Variants in KCNIP1 observed in about 807,000 individuals in gnomAD.
KCNIP1 encodes the protein potassium voltage-gated channel interacting protein 1.
KCNIP1 carries 18 observed loss-of-function variants against 33.0 expected under a neutral mutation model. The ratio of observed to expected loss-of-function variants is 0.55; its 90% CI spans 0.38 to 0.81. KCNIP1 has a LOEUF of 0.81. Among genes scored for constraint, KCNIP1 ranks in the 30% least tolerant of loss-of-function variants. The pLI is 0.00. For synonymous variants in KCNIP1, 93 were observed against 98.3 expected (o/e 0.95, Z 0.32); for missense variants, 238 against 271.6 (o/e 0.88, Z 0.87).
At chr5:170,644,206 C>T (rs1436945949) in intron 1 of KCNIP1, among the ~76,000 whole-genome samples, 1 of 152,174 alleles carries the variant, frequency 6.6e-6, no homozygotes, top group Non-Finnish European at 1.5e-5. Flanking sequence ...AAATATTCAC[C>T]ACACACCTAC....
chr5:170,393,975 C>G (rs975889027), intron 1 of KCNIP1, among the ~76,000 whole-genome samples: 4 of 152,158 alleles, frequency 2.6e-5, no homozygotes, highest in Admixed American at 6.5e-5. Flanking sequence ...TGCAAATCAT[C>G]CCAGCTCTGT....
At chr5:170,540,220 G>GCT (rs1257788961) in intron 1 of KCNIP1, among the ~76,000 whole-genome samples, 1 of 152,204 alleles carries the variant, frequency 6.6e-6, no homozygotes, top group Non-Finnish European at 1.5e-5. Context: ...AGACTCAGGA[G>GCT]CTTTCCTGGG....
intron 1 of KCNIP1, among the ~76,000 whole-genome samples, chr5:170,438,184 T>C (rs1024711532): frequency 1.3e-5 from 2 of 152,204 alleles, no homozygotes; most frequent in Non-Finnish European, 2.9e-5. Flanking sequence ...GCCTTGTTAG[T>C]GGCTTCTCCT....
intron 1 of KCNIP1, among the ~76,000 whole-genome samples, chr5:170,630,707 T>C (rs1411234453): frequency 6.6e-6 from 1 of 152,046 alleles, no homozygotes; most frequent in Non-Finnish European, 1.5e-5. Flanking sequence ...TGGTAAACAA[T>C]TGTACCCCAA....
Position 170,594,197 on chromosome 5 carries a change from C to T in KCNIP1, c.61+89564C>T, listed in dbSNP as rs749153000. Among the ~76,000 whole-genome samples the T allele has an allele frequency of 5.9e-5, 9 of 152,184 alleles. 1 individual carries two copies. Among genetic ancestry groups the T allele is most frequent in the South Asian group, 4.1e-4 (2 of 4,826 alleles). ...AGGGTATGAAGCACCGTAGGAGTTC[C>T]GTGACTATTCCCATCTTCCCTCATT... On this transcript the variant is annotated intron_variant, in intron 1 of 7. Coordinates refer to ENST00000328939, the MANE Select transcript of KCNIP1 (RefSeq NM_014592.4).
At position 170,464,775 on chromosome 5, in the gene KCNIP1, C is replaced by T. The variant is rs79248352; in HGVS notation, c.88+110811C>T. On this transcript the variant is annotated intron_variant, in intron 1 of 7. Coordinates refer to the KCNIP1 transcript ENST00000377360. The stretch of plus-strand genomic sequence containing the variant: ...ACACAGGACCTGTGAACAGACAGCC[C>T]AAGACGCTTGGGAATCATGGAATTC... Among the ~76,000 whole-genome samples the T allele has an allele frequency of 8.2e-3, 1,252 of 152,270 alleles. 21 individuals are homozygous for T. Among genetic ancestry groups the T allele is most frequent in the African/African-American group, 0.029 (1,209 of 41,538 alleles).
intron 1 of KCNIP1, among the ~76,000 whole-genome samples, chr5:170,474,774 C>A (rs1035191774): frequency 2.6e-5 from 4 of 152,146 alleles, no homozygotes; most frequent in African/African-American, 9.7e-5. Context: ...TCGCTGACTT[C>A]AAGAATGAAG....
At chr5:170,511,916 T>C (rs1017547841) in intron 1 of KCNIP1, among the ~76,000 whole-genome samples, 35 of 152,128 alleles carry the variant, frequency 2.3e-4, no homozygotes, top group Non-Finnish European at 1.9e-4. Flanking sequence ...TGCATGGATG[T>C]TGGGGAGAAG....
intron 1 of KCNIP1, among the ~76,000 whole-genome samples, chr5:170,394,042 A>G (rs1754687586): frequency 6.6e-6 from 1 of 152,208 alleles, no homozygotes; most frequent in African/African-American, 2.4e-5. Flanking sequence ...TGTTAGCCTC[A>G]CTGCTCAGAG....
chr5:170,503,292 G>A (rs1757453508), upstream of KCNIP1, among the ~76,000 whole-genome samples: 1 of 151,480 alleles, frequency 6.6e-6, no homozygotes, highest in Non-Finnish European at 1.5e-5. Context: ...TACTCCGGAG[G>A]CTGAGGCAGG....
chr5:170,407,386 G>C (rs915252819), intron 1 of KCNIP1, among the ~76,000 whole-genome samples: 1 of 152,116 alleles, frequency 6.6e-6, no homozygotes, highest in Non-Finnish European at 1.5e-5. Context: ...GAAAGGTAAG[G>C]GTACTGTCTG....
At chr5:170,684,060 C>A (rs894916351) in intron 1 of KCNIP1, among the ~76,000 whole-genome samples, 3 of 152,020 alleles carry the variant, frequency 2.0e-5, no homozygotes, top group African/African-American at 7.3e-5. Context: ...CCTGGCCAAT[C>A]TTTTAGGGAT....
intron 5 of KCNIP1, among the ~76,000 whole-genome samples, chr5:170,726,745 CAA>C (rs57173351): frequency 1.1e-4 from 6 of 56,672 alleles, no homozygotes; most frequent in Non-Finnish European, 6.9e-5. Flanking sequence ...ACTAAAAATA[CAA>C]AAAAAAAAAA....
Position 170,732,812 on chromosome 5 carries a change from A to G in KCNIP1, c.448A>G (p.Ile150Val), listed in dbSNP as rs554462464. The change falls in exon 6 of 8, where the codon ATT (isoleucine) becomes GTT (valine). Residue 150 changes from isoleucine (I) to valine (V), a missense_variant. Coordinates refer to ENST00000328939, the MANE Select transcript of KCNIP1 (RefSeq NM_014592.4). Reference sequence around the variant, plus strand: ...GTCCCTGCTCCAGGAGATGATGGACATTGTCAAAGCCATCTATGACATGAT... The same window carrying G: ...GTCCCTGCTCCAGGAGATGATGGACGTTGTCAAAGCCATCTATGACATGAT... The part of the protein sequence containing the change: ...GYINKEEMMD[I>V]VKAIYDMMGK... 3 of 1,610,532 alleles carry G rather than the reference A, an allele frequency of 1.9e-6. No individual in the cohort carries two copies. Among genetic ancestry groups the G allele is most frequent in the Admixed American group, 3.3e-5 (2 of 60,018 alleles).
intron 1 of KCNIP1, among the ~76,000 whole-genome samples, chr5:170,534,049 A>G (rs112969541): frequency 1.4e-3 from 210 of 152,352 alleles, no homozygotes; most frequent in African/African-American, 4.9e-3. Context: ...GGAAAAACAT[A>G]TGCACATTTA....
intron 1 of KCNIP1, among the ~76,000 whole-genome samples, chr5:170,424,156 C>A (rs1362758160): frequency 6.6e-6 from 1 of 152,204 alleles, no homozygotes; most frequent in African/African-American, 2.4e-5. Context: ...GCTTCTCAGA[C>A]ATGCTCTTGG....
chr5:170,366,293 A>T (rs1763657914), intron 1 of KCNIP1, among the ~76,000 whole-genome samples: 1 of 152,212 alleles, frequency 6.6e-6, no homozygotes, highest in Non-Finnish European at 1.5e-5. Context: ...TATAGAGTCC[A>T]CCGGGGGCTC....
At chr5:170,573,221 G>A (rs1342842977) in intron 1 of KCNIP1, among the ~76,000 whole-genome samples, 1 of 152,178 alleles carries the variant, frequency 6.6e-6, no homozygotes, top group Non-Finnish European at 1.5e-5. Context: ...GGTAATATTG[G>A]TACTTTAATT....
At chr5:170,517,318 C>G (rs754504290) in intron 1 of KCNIP1, among the ~76,000 whole-genome samples, 9 of 152,170 alleles carry the variant, frequency 5.9e-5, no homozygotes, top group Admixed American at 2.6e-4. Flanking sequence ...GGGGAAACTG[C>G]CCCCATGATC....
Sources: allele counts gnomAD v4.1 joint callset (sites outside exome capture counted in the v4.1 genomes callset), GRCh38; gene constraint gnomAD v4.1.1; transcripts MANE v1.5; gene names NCBI Gene and HGNC (gene_info 2026-07-23, HGNC 2026-07-21).